GALNTL5: variants seen among roughly 807,000 people sequenced by gnomAD.
GALNTL5 encodes inactive polypeptide N-acetylgalactosaminyltransferase-like protein 5.
Under a neutral mutation model 51.0 loss-of-function variants are expected in GALNTL5, and 44 were observed. The ratio of observed to expected loss-of-function variants is 0.86; its 90% CI spans 0.68 to 1.11. The LOEUF is 1.11. Among genes scored for constraint, GALNTL5 ranks in the 50% least tolerant of loss-of-function variants. The probability of loss-of-function intolerance (pLI) is 0.00; values close to 1 mark genes in which losing one functional copy is unlikely to be tolerated. For synonymous variants in GALNTL5, 192 were observed against 182.8 expected, an observed-to-expected ratio of 1.05 and a Z score of -0.41; for missense variants, 528 against 531.8, an observed-to-expected ratio of 0.99 and a Z score of 0.07.
At chr7:151,962,036 T>C (rs2080997959) in intron 1 of GALNTL5, among the ~76,000 whole-genome samples, 1 of 147,234 alleles carries the variant, frequency 6.8e-6, no homozygotes, top group Non-Finnish European at 1.5e-5. Context: ...AGTCTCTCGC[T>C]CTGTTGCCCA....
chr7:152,014,928 C>G (rs189929810), intron 8 of GALNTL5, 135 bp downstream of exon 8: 232 of 722,330 alleles, frequency 3.2e-4, no homozygotes, highest in Middle Eastern at 7.8e-4. Flanking sequence ...AACACAGGAA[C>G]GGAAAACCAA....
chr7:151,980,789 A>G (rs1356722841), intron 3 of GALNTL5, among the ~76,000 whole-genome samples: 1 of 106,610 alleles, frequency 9.4e-6, no homozygotes, highest in Admixed American at 1.4e-4. Flanking sequence ...TCTGTCGCCC[A>G]GGCTGGAGTG....
At chr7:151,962,351 T>G (rs1337866904) in intron 1 of GALNTL5, among the ~76,000 whole-genome samples, 1 of 151,768 alleles carries the variant, frequency 6.6e-6, no homozygotes, top group African/African-American at 2.4e-5. Flanking sequence ...TTTAATTAAT[T>G]TTATACATCA....
rs763661672 is a variant in GALNTL5 at position 151,983,122 on chromosome 7, A to C, written c.505A>C (p.Ile169Leu). 1.2e-6 allele frequency: 2 copies of C among 1,614,130 alleles called. No individual in the cohort carries two copies. Among genetic ancestry groups the C allele is most frequent in the East Asian group, 4.5e-5 (2 of 44,892 alleles). The change falls in exon 4 of 9, where the codon ATT becomes CTT. Residue 169 changes from isoleucine (I) to leucine (L), a missense_variant. Ile to Leu is a conservative substitution (Grantham distance 5, BLOSUM62 2). Transcript: ENST00000392800. ...CACGCCACACTATTTTCTTGAAGAA[A>C]TTATTTTGGTAGATGACATGAGCAA... is the stretch of plus-strand genomic sequence containing the variant. ...NLTPHYFLEE[I>L]ILVDDMSKVD...
intron 8 of GALNTL5, among the ~76,000 whole-genome samples, chr7:152,017,386 T>C (rs1324909816): frequency 6.6e-6 from 1 of 152,248 alleles, no homozygotes; most frequent in Non-Finnish European, 1.5e-5. Context: ...ACTACCATTA[T>C]GTACATGGTC....
rs371449738 is a variant in GALNTL5 at position 151,988,500 on chromosome 7, A to G, written c.658+1219A>G. On this transcript the variant is annotated intron_variant, in intron 5 of 8. Coordinates refer to ENST00000392800, the MANE Select transcript of GALNTL5 (RefSeq NM_145292.4). The stretch of plus-strand genomic sequence containing the variant: ...GGAATGGAAGGACAAAAGAAAAAAA[A>G]CAAAATTGGACTCTCTTTTTCCATG... Among the ~76,000 whole-genome samples, 96 of 152,296 alleles carry G rather than the reference A, an allele frequency of 6.3e-4. 2 individuals carry two copies. Among genetic ancestry groups the G allele is most frequent in the African/African-American group, 2.0e-3 (85 of 41,562 alleles).
intron 7 of GALNTL5, among the ~76,000 whole-genome samples, chr7:152,011,018 T>A (rs1226820069): frequency 1.3e-5 from 2 of 152,152 alleles, no homozygotes; most frequent in African/African-American, 4.8e-5. Flanking sequence ...ACCTGTAAGG[T>A]AAGTACCACC....
At chr7:151,956,794 A>G (rs376303382) in intron 1 of GALNTL5, among the ~76,000 whole-genome samples, 185 bp downstream of exon 1, 2 of 152,136 alleles carry the variant, frequency 1.3e-5, no homozygotes, top group East Asian at 3.9e-4. Context: ...AGCTGGTTAC[A>G]CCACCCTAAA....
At chr7:151,984,694 C>A (rs1318354691) in intron 4 of GALNTL5, among the ~76,000 whole-genome samples, 1 of 152,036 alleles carries the variant, frequency 6.6e-6, no homozygotes, top group Non-Finnish European at 1.5e-5. Context: ...CCCTGTGACC[C>A]ACGCTGCCTC....
At chr7:151,993,497 G>T (rs2081454504) in intron 5 of GALNTL5, among the ~76,000 whole-genome samples, 1 of 151,888 alleles carries the variant, frequency 6.6e-6, no homozygotes, top group South Asian at 2.1e-4. Context: ...GTTTCCAAAC[G>T]ATTTTCAGAG....
intron 7 of GALNTL5, among the ~76,000 whole-genome samples, chr7:152,011,864 C>G (rs2081742360): frequency 6.6e-6 from 1 of 152,198 alleles, no homozygotes; most frequent in Admixed American, 6.5e-5. Context: ...CAGCAGCAGT[C>G]AGCTCTTGCC....
intron 1 of GALNTL5, among the ~76,000 whole-genome samples, chr7:151,966,481 C>T (rs927680017): frequency 3.3e-5 from 5 of 152,120 alleles, no homozygotes; most frequent in African/African-American, 1.2e-4. Flanking sequence ...ATTGGCCAAG[C>T]TGGTCTCGAA....
At position 152,007,089 on chromosome 7, in the gene GALNTL5, G is replaced by A. The variant is rs1056135914; in HGVS notation, c.909-738G>A. Among the ~76,000 whole-genome samples the A allele has an allele frequency of 4.6e-5, 7 of 151,998 alleles. No individual in the cohort carries two copies. The East Asian group carries it at 7.8e-4, about 17-fold the overall frequency. On this transcript the variant is annotated intron_variant, in intron 6 of 8. Coordinates refer to ENST00000392800, the MANE Select transcript of GALNTL5 (RefSeq NM_145292.4). ...GCTGTGACTATTTTCAAACTACTTA[G>A]TTTGGTATTATTTGGCCCTACTATT... is the stretch of plus-strand genomic sequence containing the variant.
intron 8 of GALNTL5, among the ~76,000 whole-genome samples, chr7:152,016,494 C>T (rs994386246): frequency 1.3e-5 from 2 of 151,794 alleles, no homozygotes; most frequent in Non-Finnish European, 2.9e-5. Flanking sequence ...TTGACTTTTA[C>T]AAAATTACAT....
intron 1 of GALNTL5, chr7:151,957,865 CA>C (rs1455117539): frequency 3.9e-5 from 6 of 152,072 alleles, no homozygotes; most frequent in Non-Finnish European, 7.4e-5. Flanking sequence ...GCCAATCACA[CA>C]CCTCTTACAT....
intron 5 of GALNTL5, among the ~76,000 whole-genome samples, chr7:151,998,802 C>T (rs550133436): frequency 9.3e-5 from 14 of 150,848 alleles, no homozygotes; most frequent in East Asian, 3.9e-4. Context: ...AAAACTACTC[C>T]GATAGGCAAA....
rs74366933 is a variant in GALNTL5, at chr7:151,993,496, C to T, written c.658+6215C>T. Among the ~76,000 whole-genome samples, 918 of 151,996 alleles carry T rather than the reference C, an allele frequency of 6.0e-3. 5 individuals are homozygous for T. Among genetic ancestry groups the T allele is most frequent in the Non-Finnish European group, 9.6e-3 (650 of 67,986 alleles). ...AGGAGTGATTTTGAAAGTTTCCAAA[C>T]GATTTTCAGAGATTTTAAAAATTAT... On this transcript the variant is annotated intron_variant, in intron 5 of 8. Transcript: ENST00000392800.
Position 151,987,157 on chromosome 7 carries a change from AGAT to A in GALNTL5, c.538_540del (p.Asp180del). 2 of 1,586,432 alleles carry A rather than the reference AGAT, an allele frequency of 1.3e-6. No homozygotes were observed. The stretch of plus-strand genomic sequence containing the variant: ...ATTCTCATGTGTTGAATATTTTTCC[AGAT>A]GATTTGAAAGAAAAACTAGACTATC... On this transcript the variant is annotated splice_acceptor_variant and coding_sequence_variant, in exon 5 of 9. Coordinates refer to ENST00000392800, the MANE Select transcript of GALNTL5 (RefSeq NM_145292.4). LOFTEE classifies it high-confidence loss of function.
In GALNTL5 at chr7:151,989,022, T is replaced by A. The variant is rs74941640; in HGVS notation, c.658+1741T>A. Among the ~76,000 whole-genome samples, 47 of 152,262 alleles carry A rather than the reference T, an allele frequency of 3.1e-4. 1 individual carries two copies. The East Asian group carries it at 8.7e-3, about 28-fold the overall frequency. On this transcript the variant is annotated intron_variant, in intron 5 of 8. Coordinates refer to ENST00000392800, the MANE Select transcript of GALNTL5 (RefSeq NM_145292.4). ...GCCTGGGATTTTTAAATACATGGAA[T>A]CATACTGTCTGTACTGTCCTGAGAC...
Sources: allele counts gnomAD v4.1 joint callset (sites outside exome capture counted in the v4.1 genomes callset), GRCh38; gene constraint gnomAD v4.1.1; transcripts MANE v1.5; gene names NCBI Gene and HGNC (gene_info 2026-07-23, HGNC 2026-07-21).